The following ARFGEF1 variants were observed in gnomAD, a reference collection of about 807,000 sequenced individuals.
The protein encoded by ARFGEF1 is brefeldin A-inhibited guanine nucleotide-exchange protein 1.
ARFGEF1 carries 42 observed loss-of-function variants against 231.0 expected under a neutral mutation model. That is an observed-to-expected ratio of 0.18 (90% CI 0.14 to 0.24). The LOEUF (loss-of-function observed/expected upper bound fraction) is 0.24. ARFGEF1 is among the 10% of genes least tolerant of loss of function. ARFGEF1 has a pLI of 1.00. For synonymous variants in ARFGEF1, 710 were observed against 732.3 expected (o/e 0.97, Z 0.49); for missense variants, 1,345 against 2,192.0 (o/e 0.61, Z 7.72).
intron 4 of ARFGEF1, among the ~76,000 whole-genome samples, chr8:67,298,580 T>G (rs1165996815): frequency 6.6e-6 from 1 of 152,200 alleles, no homozygotes; most frequent in Non-Finnish European, 1.5e-5. Flanking sequence ...TAAAGTTTGA[T>G]GGATGCAATA....
At position 67,259,906 on chromosome 8, in the gene ARFGEF1, C is replaced by G. The variant is rs762644535; in HGVS notation, c.2144G>C (p.Arg715Thr). The change falls in exon 15 of 39, where the codon AGA becomes ACA. Residue 715 changes from arginine to threonine, a missense_variant. Around this residue, in one of 14 missense-constraint regions of ARFGEF1, gnomAD observed 105 missense variants for 159.3 expected, o/e 0.66. Transcript: ENST00000262215. ...GIDLFNKKPK[R>T]GIQYLQEQGM... ...TTGTTCTTGGAGGTACTGTATTCCT[C>G]TCTTTGGTTTCTTATTAAATCTAGA... 24 of 1,607,798 alleles carry G rather than the reference C, an allele frequency of 1.5e-5. No homozygotes were observed. The highest frequency in any genetic ancestry group is 1.3e-5 in the Non-Finnish European group (15 of 1,177,024).
intron 2 of ARFGEF1, among the ~76,000 whole-genome samples, chr8:67,302,024 T>C (rs997409561): frequency 1.3e-5 from 2 of 151,984 alleles, no homozygotes; most frequent in African/African-American, 2.4e-5. Context: ...CTGGGAAATA[T>C]GGCAGAATCC....
chr8:67,175,119 T>C, downstream of ARFGEF1: 2 of 593,622 alleles, frequency 3.4e-6, no homozygotes, highest in South Asian at 4.2e-5. Context: ...AATATTAATT[T>C]CATATTCTTT....
At chr8:67,335,469 T>TA (rs1808302168) in intron 1 of ARFGEF1, among the ~76,000 whole-genome samples, 1 of 152,140 alleles carries the variant, frequency 6.6e-6, no homozygotes, top group African/African-American at 2.4e-5. Context: ...GATTCGTTTA[T>TA]AAAAAATATC....
At chr8:67,281,201 G>T (rs1055713936) in intron 7 of ARFGEF1, among the ~76,000 whole-genome samples, 13 of 152,016 alleles carry the variant, frequency 8.6e-5, no homozygotes, top group African/African-American at 3.1e-4. Context: ...GGAAATTAGA[G>T]AAGACTGCAA....
At chr8:67,203,014 T>G in intron 36 of ARFGEF1, 69 bp downstream of exon 36, 2 of 1,494,140 alleles carry the variant, frequency 1.3e-6, no homozygotes, top group African/African-American at 1.4e-5. Flanking sequence ...CAATGAGTTC[T>G]GAGACCTGTA....
chr8:67,262,324 A>G (rs188180082), intron 14 of ARFGEF1, among the ~76,000 whole-genome samples: 2 of 152,338 alleles, frequency 1.3e-5, no homozygotes, highest in East Asian at 3.9e-4. Context: ...TAAAGTGTGA[A>G]GATGACACTG....
chr8:67,295,586 T>C (rs1417251673), intron 5 of ARFGEF1, among the ~76,000 whole-genome samples: 1 of 151,914 alleles, frequency 6.6e-6, no homozygotes, highest in African/African-American at 2.4e-5. Context: ...AATAGCAAGA[T>C]CATGAAAAAG....
At chr8:67,257,958 C>T in intron 16 of ARFGEF1, 127 bp downstream of exon 16, 2 of 1,177,708 alleles carry the variant, frequency 1.7e-6, no homozygotes, top group South Asian at 1.5e-5. Flanking sequence ...TTACGACTTC[C>T]AGATTGTAGA....
chr8:67,326,195 C>T (rs994148590), intron 1 of ARFGEF1, among the ~76,000 whole-genome samples: 6 of 151,902 alleles, frequency 3.9e-5, no homozygotes, highest in Non-Finnish European at 8.8e-5. Flanking sequence ...GAAACTCCAT[C>T]TCAAAAAATA....
chr8:67,291,974 C>A lies in ARFGEF1; in HGVS notation c.789G>T (p.Gly263=). The change falls in exon 6 of 39, where the codon GGG becomes GGT. Residue 263 remains glycine, a synonymous_variant. Transcript: ENST00000262215. ...CATCATTTGTATGGAGGTCAAGGTCCCCTTCGTGTTCTTGGGATATATGAT... is the reference window on the plus strand; with the variant it reads ...CATCATTTGTATGGAGGTCAAGGTCACCTTCGTGTTCTTGGGATATATGAT... ...TVDHISQEHE[G]DLDLHTNDVD... The A allele has an allele frequency of 6.2e-7, 1 of 1,613,798 alleles. No homozygotes were observed. The highest frequency in any genetic ancestry group is 8.5e-7 in the Non-Finnish European group (1 of 1,179,894).
chr8:67,220,222 C>T (rs551983768), intron 29 of ARFGEF1, among the ~76,000 whole-genome samples: 3 of 152,148 alleles, frequency 2.0e-5, no homozygotes, highest in Admixed American at 1.3e-4. Flanking sequence ...TCAAAACTTC[C>T]GTCTTCATTC....
intron 34 of ARFGEF1, among the ~76,000 whole-genome samples, chr8:67,210,154 CA>C (rs59530693): frequency 0.016 from 861 of 53,848 alleles, 5 homozygotes; most frequent in African/African-American, 0.039. Flanking sequence ...GACTCCGTCT[CA>C]AAAAAAAAAA....
At position 67,271,051 on chromosome 8, in the gene ARFGEF1, G is replaced by GA. The variant is rs1407925313; in HGVS notation, c.1572+650dup. 1.0e-3 allele frequency among the ~76,000 whole-genome samples: 102 copies of GA among 100,742 alleles called. 1 individual carries two copies. Among genetic ancestry groups the GA allele is most frequent in the East Asian group, 4.5e-3 (16 of 3,524 alleles). 66.1% of individuals were successfully genotyped at this position (100,742 alleles called of 152,430 possible). ...AAAAAAAAAAAAAAAAAAGGAAAAA[G>GA]AAAAAAAAAAAAAGAAACTGGTACA... On this transcript the variant is annotated intron_variant, in intron 10 of 38. Transcript: ENST00000262215.
intron 1 of ARFGEF1, among the ~76,000 whole-genome samples, chr8:67,327,103 CTAT>C (rs1175125996): frequency 6.6e-6 from 1 of 152,134 alleles, no homozygotes; most frequent in Non-Finnish European, 1.5e-5. Flanking sequence ...ATAAATATGA[CTAT>C]TATTCAATTA....
chr8:67,339,957 G>C (rs1315000990), intron 1 of ARFGEF1, among the ~76,000 whole-genome samples: 2 of 151,728 alleles, frequency 1.3e-5, no homozygotes, highest in Non-Finnish European at 2.9e-5. Flanking sequence ...AGAATGGATT[G>C]TTTTAATGAA....
At chr8:67,342,728 G>C (rs986370677) in intron 1 of ARFGEF1, among the ~76,000 whole-genome samples, 2 of 152,136 alleles carry the variant, frequency 1.3e-5, no homozygotes, top group African/African-American at 4.8e-5. Context: ...AAACGAAAAA[G>C]TTATTGTTAA....
intron 7 of ARFGEF1, among the ~76,000 whole-genome samples, chr8:67,281,796 T>C (rs570675333): frequency 6.6e-6 from 1 of 152,054 alleles, no homozygotes; most frequent in South Asian, 2.1e-4. Context: ...AATTAGGGAA[T>C]AGAGAAGAAA....
chr8:67,185,420 T>C (rs1232700834), intron 5 of ARFGEF1, among the ~76,000 whole-genome samples: 1 of 152,196 alleles, frequency 6.6e-6, no homozygotes, highest in Non-Finnish European at 1.5e-5. Flanking sequence ...AAAGGATGAA[T>C]TGCACATTAT....
Sources: gnomAD v4.1 joint callset for allele counts (sites outside exome capture counted in the v4.1 genomes callset) on GRCh38, gnomAD v4.1.1 for gene constraint, gnomAD v4.1.1 regional missense constraint, MANE v1.5 for transcripts, NCBI Gene and HGNC (gene_info 2026-07-23, HGNC 2026-07-21) for gene names.